Variants in MMD2 observed in about 807,000 individuals in gnomAD.
MMD2 encodes the protein monocyte to macrophage differentiation factor 2.
Under a neutral mutation model 33.5 loss-of-function variants are expected in MMD2, and 30 were observed. That is an observed-to-expected ratio of 0.90 (90% CI 0.67 to 1.22). MMD2 has a LOEUF of 1.22. Ranked by LOEUF, MMD2 falls within the 50% of genes most tolerant of loss-of-function variation. MMD2 has a pLI of 0.00. For synonymous variants in MMD2, 129 were observed against 123.0 expected (o/e 1.05, Z -0.32); for missense variants, 364 against 325.4 (o/e 1.12, Z -0.91).
chr7:4,908,320 T>G (rs1784917643), intron 6 of MMD2, among the ~76,000 whole-genome samples: 1 of 151,768 alleles, frequency 6.6e-6, no homozygotes, highest in South Asian at 2.1e-4. Flanking sequence ...TTTTGTATTT[T>G]TAGTAGAGAT....
chr7:4,922,869 T>G (rs192837621), intron 2 of MMD2, among the ~76,000 whole-genome samples: 1 of 152,250 alleles, frequency 6.6e-6, no homozygotes, highest in Admixed American at 6.6e-5. Context: ...TACATGCCCA[T>G]CACCCTGCCC....
intron 1 of MMD2, among the ~76,000 whole-genome samples, chr7:4,957,867 T>C (rs906646005): frequency 1.3e-5 from 2 of 152,196 alleles, no homozygotes; most frequent in Admixed American, 6.5e-5. Context: ...TTCCCTACCC[T>C]GGACACCATC....
intron 3 of MMD2, among the ~76,000 whole-genome samples, chr7:4,917,247 G>A (rs912851189): frequency 4.6e-5 from 7 of 152,214 alleles, no homozygotes; most frequent in East Asian, 1.9e-4. Flanking sequence ...TTACCTATTC[G>A]CTCTAGGTCT....
chr7:4,919,048 G>A (rs1160639457), intron 3 of MMD2, among the ~76,000 whole-genome samples: 1 of 151,906 alleles, frequency 6.6e-6, no homozygotes, highest in Admixed American at 6.6e-5. Flanking sequence ...GCAGTGAACC[G>A]AGATGATGTT....
chr7:4,958,915 C>T (rs1006180640), intron 1 of MMD2, 56 bp downstream of exon 1: 1 of 1,276,438 alleles, frequency 7.8e-7, no homozygotes, highest in Non-Finnish European at 1.0e-6. Context: ...CTCCGCGGCC[C>T]CCGCCGCCGC....
intron 1 of MMD2, among the ~76,000 whole-genome samples, chr7:4,937,688 TG>T (rs2115134158): frequency 6.6e-6 from 1 of 152,246 alleles, no homozygotes; most frequent in South Asian, 2.1e-4. Context: ...TTTAATTTTT[TG>T]TAGAGACAGA....
rs971654507 is a variant in MMD2 at position 4,907,551 on chromosome 7, A to G, written c.586T>C (p.Cys196Arg). 2 of 1,613,358 alleles carry G rather than the reference A, an allele frequency of 1.2e-6. No homozygotes were observed. Among genetic ancestry groups the G allele is most frequent in the African/African-American group, 1.3e-5 (1 of 74,920 alleles). Residue 196 changes from cysteine (C) to arginine (R), a missense_variant, in exon 7 of 7, where the codon TGC becomes CGC. Coordinates refer to ENST00000401401, the MANE Select transcript of MMD2 (RefSeq NM_198403.4). ...WELVTGGVFYCLGMVFFKSDG... is the reference protein window; with the variant it reads ...WELVTGGVFYRLGMVFFKSDG... ...CTCTTGAAGAAGACCATGCCCAGGC[A>G]GTAGAAGACCCCTCCGGTCACCAGC...
intron 1 of MMD2, among the ~76,000 whole-genome samples, chr7:4,941,124 C>T (rs1483764163): frequency 6.6e-6 from 1 of 152,154 alleles, no homozygotes; most frequent in Non-Finnish European, 1.5e-5. Flanking sequence ...TGTTCGTCCT[C>T]AGCTAGCTCC....
the MMD2 span, among the ~76,000 whole-genome samples, chr7:4,893,798 A>G: frequency 6.6e-6 from 1 of 152,132 alleles, no homozygotes; most frequent in African/African-American, 2.4e-5. Context: ...TATAGACTAT[A>G]TAGGGTAACG....
At chr7:4,908,057 A>C (rs190355658) in intron 6 of MMD2, among the ~76,000 whole-genome samples, 192 of 150,636 alleles carry the variant, frequency 1.3e-3, no homozygotes, top group African/African-American at 4.5e-3. Flanking sequence ...TGCTTCTCCC[A>C]CCTCGGCTTC....
intron 4 of MMD2, among the ~76,000 whole-genome samples, chr7:4,913,633 G>A (rs1032428274): frequency 2.0e-5 from 3 of 146,428 alleles, no homozygotes; most frequent in African/African-American, 7.7e-5. Context: ...CAGGAGAATT[G>A]CTTGAACCCG....
chr7:4,926,652 C>G (rs951666119), intron 1 of MMD2, among the ~76,000 whole-genome samples: 1 of 152,190 alleles, frequency 6.6e-6, no homozygotes, highest in Admixed American at 6.6e-5. Flanking sequence ...TCCCGCAGAA[C>G]ACGCTGTTTT....
chr7:4,911,243 C>T lies in MMD2; in HGVS notation c.369G>A (p.Leu123=). ...FFIAASYAPW[L]NLRELGPWAS... is the part of the protein sequence containing the mutation. The stretch of plus-strand genomic sequence containing the variant: ...CCCAGGGGCCCAGCTCCCGAAGGTT[C>T]AGCCTGGGAGAGAAAGAGCCAAGGC... Residue 123 remains leucine (L), a synonymous_variant, in exon 5 of 7, where the codon CTG becomes CTA. Transcript: ENST00000401401. 6.3e-7 allele frequency: 1 copy of T among 1,585,472 alleles called. No individual in the cohort carries two copies. The highest frequency in any genetic ancestry group is 8.6e-7 in the Non-Finnish European group (1 of 1,166,400).
intron 1 of MMD2, among the ~76,000 whole-genome samples, chr7:4,934,737 G>A (rs1175113653): frequency 6.6e-6 from 1 of 152,346 alleles, no homozygotes; most frequent in South Asian, 2.1e-4. Flanking sequence ...ACTTGAGGAG[G>A]TACAGGCTTT....
At chr7:4,945,603 C>G (rs951000783) in intron 1 of MMD2, among the ~76,000 whole-genome samples, 2 of 150,658 alleles carry the variant, frequency 1.3e-5, no homozygotes, top group Non-Finnish European at 3.0e-5. Flanking sequence ...CTTTGGAGAT[C>G]TCACTCTGCC....
chr7:4,909,512 G>GCTCACTACAACCTCTGCCA (rs1784951984), intron 6 of MMD2, among the ~76,000 whole-genome samples: 2 of 151,220 alleles, frequency 1.3e-5, no homozygotes, highest in African/African-American at 4.9e-5. Context: ...GTGCAATCTC[G>GCTCACTACAACCTCTGCCA]GCTCACTACA....
At chr7:4,911,563 G>A (rs1184471884) in intron 4 of MMD2, among the ~76,000 whole-genome samples, 4 of 152,036 alleles carry the variant, frequency 2.6e-5, no homozygotes, top group Non-Finnish European at 4.4e-5. Flanking sequence ...CTCTGTAACC[G>A]CAGTTCCGGC....
intron 1 of MMD2, among the ~76,000 whole-genome samples, chr7:4,949,637 G>A (rs556553867): frequency 2.0e-5 from 3 of 151,364 alleles, no homozygotes; most frequent in Non-Finnish European, 2.9e-5. Context: ...TCAGCCTCCC[G>A]AGTAGCTGGG....
intron 1 of MMD2, among the ~76,000 whole-genome samples, chr7:4,951,173 T>G (rs1256157635): frequency 6.6e-6 from 1 of 152,092 alleles, no homozygotes; most frequent in African/African-American, 2.4e-5. Flanking sequence ...AGCCCTATCC[T>G]TGGAATCCCA....
Sources: gnomAD v4.1 joint callset for allele counts (sites outside exome capture counted in the v4.1 genomes callset) on GRCh38, gnomAD v4.1.1 for gene constraint, MANE v1.5 for transcripts, NCBI Gene and HGNC (gene_info 2026-07-23, HGNC 2026-07-21) for gene names.